DAPK1: variants seen among roughly 807,000 people sequenced by gnomAD.
The protein encoded by DAPK1 is death-associated protein kinase 1.
DAPK1 carries 56 observed loss-of-function variants against 144.9 expected under a neutral mutation model. That is an observed-to-expected ratio of 0.39 (90% CI 0.31 to 0.48). The LOEUF (loss-of-function observed/expected upper bound fraction) is 0.48. Ranked by LOEUF, DAPK1 falls within the 20% of genes least tolerant of loss-of-function variation. The probability of loss-of-function intolerance (pLI) is 0.95; values close to 1 mark genes in which losing one functional copy is unlikely to be tolerated. For synonymous variants in DAPK1, 690 were observed against 749.0 expected, an observed-to-expected ratio of 0.92 and a Z score of 1.29; for missense variants, 1,454 against 1,875.4, an observed-to-expected ratio of 0.78 and a Z score of 4.15.
intron 3 of DAPK1, among the ~76,000 whole-genome samples, chr9:87,620,009 A>AGACGTCT (rs1829233232): frequency 1.3e-5 from 2 of 151,340 alleles, no homozygotes; most frequent in Admixed American, 6.5e-5. Flanking sequence ...GCATGGGCCC[A>AGACGTCT]GACAGACGAT....
intron 20 of DAPK1, among the ~76,000 whole-genome samples, chr9:87,682,518 G>A (rs762284482): frequency 2.6e-5 from 4 of 152,126 alleles, no homozygotes; most frequent in South Asian, 2.1e-4. Context: ...TTTCTCTTAC[G>A]TCCCCTCAGT....
chr9:87,672,172 G>A (rs1207308504), intron 19 of DAPK1, among the ~76,000 whole-genome samples: 1 of 152,202 alleles, frequency 6.6e-6, no homozygotes, highest in Non-Finnish European at 1.5e-5. Context: ...GAACCCCGCA[G>A]ACCACTCTGG....
At chr9:87,516,841 G>A (rs538945536) in intron 2 of DAPK1, among the ~76,000 whole-genome samples, 8 of 152,282 alleles carry the variant, frequency 5.3e-5, no homozygotes, top group African/African-American at 1.7e-4. Context: ...TGTGCAAAAG[G>A]AAGGTGTGGC....
At chr9:87,560,121 G>C (rs1348783939) in intron 2 of DAPK1, among the ~76,000 whole-genome samples, 1 of 151,432 alleles carries the variant, frequency 6.6e-6, no homozygotes, top group African/African-American at 2.4e-5. Flanking sequence ...CTCCCTAGTA[G>C]CTGAGATTAC....
chr9:87,575,837 A>T (rs1676141498), intron 2 of DAPK1, among the ~76,000 whole-genome samples: 1 of 152,170 alleles, frequency 6.6e-6, no homozygotes, highest in South Asian at 2.1e-4. Context: ...ATCATCCCAA[A>T]CTCAAACAAA....
intron 18 of DAPK1, among the ~76,000 whole-genome samples, chr9:87,663,015 T>C (rs1234637710): frequency 6.6e-6 from 1 of 151,988 alleles, no homozygotes; most frequent in East Asian, 1.9e-4. Context: ...CCTCCTACCC[T>C]CCAGAAGCAA....
intron 2 of DAPK1, among the ~76,000 whole-genome samples, chr9:87,534,510 A>G (rs1825800323): frequency 6.6e-6 from 1 of 152,154 alleles, no homozygotes; most frequent in Admixed American, 6.5e-5. Flanking sequence ...CAACCTGAGG[A>G]TCAGCAAAAA....
intron 2 of DAPK1, among the ~76,000 whole-genome samples, chr9:87,519,176 C>T (rs2118216068): frequency 6.6e-6 from 1 of 152,324 alleles, no homozygotes; most frequent in South Asian, 2.1e-4. Context: ...CCAACCCCAG[C>T]TTTATCACTG....
chr9:87,671,698 AGC>A (rs1288693459), intron 19 of DAPK1, among the ~76,000 whole-genome samples: 10 of 152,140 alleles, frequency 6.6e-5, no homozygotes, highest in Non-Finnish European at 1.5e-4. Context: ...CATTTGTATT[AGC>A]AACTATGTCT....
chr9:87,525,670 G>T (rs77869974), intron 2 of DAPK1, among the ~76,000 whole-genome samples: 1 of 151,990 alleles, frequency 6.6e-6, no homozygotes, highest in Admixed American at 6.5e-5. Flanking sequence ...TGAGGGCCTC[G>T]GTTCCACCTC....
At chr9:87,568,556 C>T (rs1429075863) in intron 2 of DAPK1, among the ~76,000 whole-genome samples, 1 of 152,174 alleles carries the variant, frequency 6.6e-6, no homozygotes, top group Non-Finnish European at 1.5e-5. Flanking sequence ...CCCCCAGCTT[C>T]AAGGAATGTT....
At chr9:87,694,271 T>C (rs1259985718) in intron 21 of DAPK1, among the ~76,000 whole-genome samples, 1 of 151,858 alleles carries the variant, frequency 6.6e-6, no homozygotes, top group African/African-American at 2.4e-5. Context: ...GTGCCAGCTG[T>C]GATGATAGTG....
intron 3 of DAPK1, chr9:87,633,367 T>C: frequency 1.0e-6 from 1 of 984,766 alleles, no homozygotes. Flanking sequence ...TGAGGGGGGA[T>C]GGAGTGAATA....
intron 2 of DAPK1, 119 bp downstream of exon 2, chr9:87,499,258 C>G: frequency 1.0e-5 from 9 of 901,572 alleles, no homozygotes; most frequent in East Asian, 7.8e-5. Context: ...TCTGGAGATG[C>G]GCAAATCATA....
chr9:87,534,844 C>A (rs1040596837), intron 2 of DAPK1, among the ~76,000 whole-genome samples: 1 of 152,020 alleles, frequency 6.6e-6, no homozygotes, highest in African/African-American at 2.4e-5. Context: ...GGGGTTTTGC[C>A]ATGTTGGCCA....
At chr9:87,701,374 G>A (rs1471644153) in intron 24 of DAPK1, among the ~76,000 whole-genome samples, 3 of 152,078 alleles carry the variant, frequency 2.0e-5, no homozygotes, top group African/African-American at 7.2e-5. Context: ...AATAACTAGG[G>A]ACTGAGGGAA....
chr9:87,691,016 G>C (rs1380794847), intron 21 of DAPK1, among the ~76,000 whole-genome samples: 5 of 151,838 alleles, frequency 3.3e-5, no homozygotes, highest in Admixed American at 3.3e-4. Flanking sequence ...TTCTGGTTTT[G>C]TTATCATGGC....
At chr9:87,628,262 G>C (rs1029514075) in intron 3 of DAPK1, among the ~76,000 whole-genome samples, 1 of 152,200 alleles carries the variant, frequency 6.6e-6, no homozygotes, top group African/African-American at 2.4e-5. Flanking sequence ...GACAGAACTT[G>C]TATATTCAGA....
rs866653154 is a variant in DAPK1 at position 87,686,314 on chromosome 9, G to A, written c.2225-237G>A. On this transcript the variant is annotated intron_variant, in intron 20 of 25. Transcript: ENST00000408954. The surrounding 1 kb of genome is among the most constrained non-coding windows in gnomAD (Gnocchi z 4.2). The stretch of plus-strand genomic sequence containing the variant: ...ACACAATCCCTAGGACCAGCCACCC[G>A]GGCAACAGGGCGGGGCAGAAAAGGT... 3.3e-5 allele frequency among the ~76,000 whole-genome samples: 5 copies of A among 152,088 alleles called. 1 individual carries two copies. The highest frequency in any genetic ancestry group is 4.8e-5 in the African/African-American group (2 of 41,416).
Sources: allele counts gnomAD v4.1 joint callset (sites outside exome capture counted in the v4.1 genomes callset), GRCh38; gene constraint gnomAD v4.1.1; non-coding constraint Gnocchi (gnomAD v3.1); transcripts MANE v1.5; gene names NCBI Gene and HGNC (gene_info 2026-07-23, HGNC 2026-07-21).